Variants in EPB41L4B observed in about 807,000 individuals in gnomAD.
The protein encoded by EPB41L4B is erythrocyte membrane protein band 4.1 like 4B.
In EPB41L4B, 30 loss-of-function variants were observed where a neutral mutation model predicts 112.5. That is an observed-to-expected ratio of 0.27 (90% confidence interval 0.20 to 0.36). EPB41L4B has a LOEUF of 0.36. Among genes scored for constraint, EPB41L4B ranks in the 10% least tolerant of loss-of-function variants. The probability of loss-of-function intolerance (pLI) is 1.00; values close to 1 mark genes in which losing one functional copy is unlikely to be tolerated. For missense variants in EPB41L4B, 1,024 were observed against 1,133.3 expected (o/e 0.90, Z 1.38); for synonymous variants, 408 against 439.7 (o/e 0.93, Z 0.90).
intron 2 of EPB41L4B, among the ~76,000 whole-genome samples, chr9:109,278,164 T>C (rs1349179551): frequency 6.6e-6 from 1 of 152,014 alleles, no homozygotes; most frequent in African/African-American, 2.4e-5. Flanking sequence ...AGAGGAAAAG[T>C]TGTTCTGCCC....
chr9:109,263,424 A>G (rs1350319184), intron 5 of EPB41L4B, among the ~76,000 whole-genome samples: 3 of 152,272 alleles, frequency 2.0e-5, no homozygotes. Context: ...ATTTTTAAAC[A>G]TATTTTAAAT....
intron 1 of EPB41L4B, among the ~76,000 whole-genome samples, chr9:109,305,688 TG>T (rs1264749062): frequency 6.6e-6 from 1 of 151,090 alleles, no homozygotes; most frequent in Non-Finnish European, 1.5e-5. Context: ...TTTGGGAGGC[TG>T]CGGTGGGCGG....
chr9:109,293,024 C>G (rs929953890), intron 1 of EPB41L4B, among the ~76,000 whole-genome samples: 1 of 152,184 alleles, frequency 6.6e-6, no homozygotes, highest in Non-Finnish European at 1.5e-5. Context: ...ACACTCCACA[C>G]GAGCCCACCT....
At chr9:109,288,104 G>A (rs1445704388) in intron 1 of EPB41L4B, among the ~76,000 whole-genome samples, 2 of 152,374 alleles carry the variant, frequency 1.3e-5, no homozygotes, top group Admixed American at 6.5e-5. Flanking sequence ...GGGCCTTCAG[G>A]CCCCGTCACT....
At position 109,191,923 on chromosome 9, in the gene EPB41L4B, C is replaced by T. The variant is rs975574505; in HGVS notation, c.2301+355G>A. Among the ~76,000 whole-genome samples, 32 of 152,242 alleles carry T rather than the reference C, an allele frequency of 2.1e-4. 1 individual carries two copies. The highest frequency in any genetic ancestry group is 6.8e-3 in the Middle Eastern group (2 of 294). ...CAGTGCTTCAGACCAGATGGATCGT[C>T]GGAAGCAACAGCAAGAGATTCCCCA... On this transcript the variant is annotated intron_variant, in intron 22 of 25. Transcript: ENST00000374566.
intron 1 of EPB41L4B, among the ~76,000 whole-genome samples, chr9:109,290,761 C>T (rs1385576877): frequency 6.7e-6 from 1 of 149,288 alleles, no homozygotes; most frequent in African/African-American, 2.5e-5. Flanking sequence ...ATACCTCACA[C>T]ACACACACAC....
intron 2 of EPB41L4B, among the ~76,000 whole-genome samples, chr9:109,275,864 T>A (rs1367402342): frequency 1.3e-5 from 2 of 152,070 alleles, no homozygotes; most frequent in Non-Finnish European, 2.9e-5. Flanking sequence ...GGCTTTGGTT[T>A]CACCATCTAG....
intron 1 of EPB41L4B, among the ~76,000 whole-genome samples, chr9:109,282,873 G>T (rs143749813): frequency 1.0e-3 from 159 of 151,926 alleles, no homozygotes; most frequent in African/African-American, 3.7e-3. Context: ...AGTAGAGACA[G>T]GGTTTCACCA....
At chr9:109,317,575 C>T (rs1837680340) in intron 1 of EPB41L4B, among the ~76,000 whole-genome samples, 1 of 152,160 alleles carries the variant, frequency 6.6e-6, no homozygotes, top group South Asian at 2.1e-4. Flanking sequence ...CACAAGCATC[C>T]TAACTAGGGC....
intron 1 of EPB41L4B, among the ~76,000 whole-genome samples, chr9:109,281,709 TAAATAAATAAATA>T (rs1564317122): frequency 2.7e-4 from 34 of 128,158 alleles, no homozygotes; most frequent in African/African-American, 9.1e-4. Context: ...AATAAATAAA[TAAATAAATAAATA>T]AATTAATTAA....
intron 2 of EPB41L4B, among the ~76,000 whole-genome samples, chr9:109,272,232 G>C (rs193081238): frequency 6.6e-6 from 1 of 152,288 alleles, no homozygotes; most frequent in Admixed American, 6.5e-5. Context: ...TGAGGCAGAA[G>C]GATCGTTTGA....
intron 1 of EPB41L4B, among the ~76,000 whole-genome samples, chr9:109,309,863 C>T (rs1408798680): frequency 6.6e-6 from 1 of 151,850 alleles, no homozygotes; most frequent in Non-Finnish European, 1.5e-5. Flanking sequence ...CCACTAACTC[C>T]CACTATCCTG....
Position 109,176,630 on chromosome 9 carries a change from T to C in EPB41L4B, c.2554A>G (p.Thr852Ala), listed in dbSNP as rs755867772. The C allele has an allele frequency of 3.8e-5, 61 of 1,613,934 alleles. No homozygotes were observed. Among genetic ancestry groups the C allele is most frequent in the Admixed American group, 8.3e-5 (5 of 59,976 alleles). The stretch of plus-strand genomic sequence containing the variant: ...ACGGTCTCTGTCAAAGGCCTCAGGG[T>C]CGCTGCTGGGATCAGCGGGGAAGTC... ...GPTSPLIPAATLRPLTETVST... is the reference protein window; with the variant it reads ...GPTSPLIPAAALRPLTETVST... Residue 852 changes from threonine to alanine, a missense_variant, in exon 25 of 26, where the codon ACC becomes GCC. By Grantham distance (58) the Thr-to-Ala change is moderately conservative (BLOSUM62 0). Coordinates refer to ENST00000374566, the MANE Select transcript of EPB41L4B (RefSeq NM_019114.5).
intron 24 of EPB41L4B, among the ~76,000 whole-genome samples, chr9:109,177,064 G>C (rs1239099076): frequency 1.3e-5 from 2 of 152,160 alleles, no homozygotes; most frequent in Non-Finnish European, 2.9e-5. Context: ...AATGTTAAAA[G>C]GTGAAAACAA....
chr9:109,194,525 A>C (rs1832577178), intron 20 of EPB41L4B, 128 bp from the exon 21 acceptor site: 1 of 973,368 alleles, frequency 1.0e-6, no homozygotes, highest in Admixed American at 2.9e-5. Context: ...ACAGATGTCC[A>C]CCAGATGTCC....
chr9:109,268,007 T>C (rs1335204906), intron 3 of EPB41L4B, among the ~76,000 whole-genome samples: 1 of 152,238 alleles, frequency 6.6e-6, no homozygotes, highest in Non-Finnish European at 1.5e-5. Context: ...TTTCCACACC[T>C]GTACATTGAG....
At chr9:109,286,507 T>C (rs1261120749) in intron 1 of EPB41L4B, among the ~76,000 whole-genome samples, 5 of 152,204 alleles carry the variant, frequency 3.3e-5, no homozygotes, top group African/African-American at 1.2e-4. Flanking sequence ...GTCTAGTGGT[T>C]ATAACAGAAG....
chr9:109,282,933 C>T (rs1300206670), intron 1 of EPB41L4B, among the ~76,000 whole-genome samples: 4 of 152,060 alleles, frequency 2.6e-5, no homozygotes, highest in Non-Finnish European at 1.5e-5. Flanking sequence ...CCGCCCACCT[C>T]GGCGTCCCAA....
At chr9:109,251,384 A>T (rs1834782351) in intron 13 of EPB41L4B, 97 bp downstream of exon 13, 1 of 1,201,454 alleles carries the variant, frequency 8.3e-7, no homozygotes, top group African/African-American at 1.5e-5. Context: ...CAGATGACAC[A>T]CTTCCTGATT....
Sources: gnomAD v4.1 joint callset for allele counts (sites outside exome capture counted in the v4.1 genomes callset) on GRCh38, gnomAD v4.1.1 for gene constraint, MANE v1.5 for transcripts, NCBI Gene and HGNC (gene_info 2026-07-23, HGNC 2026-07-21) for gene names.